The following MYO16 variants were observed in gnomAD, a reference collection of about 807,000 sequenced individuals.
MYO16 encodes the protein myosin XVI.
A neutral mutation model predicts 205.3 loss-of-function variants in MYO16; 94 were observed. That is an observed-to-expected ratio of 0.46 (90% CI 0.39 to 0.54). MYO16 has a LOEUF of 0.54. Among genes scored for constraint, MYO16 ranks in the 20% least tolerant of loss-of-function variants. MYO16 has a pLI of 0.00. For missense variants in MYO16, 2,315 were observed against 2,387.5 expected (o/e 0.97, Z 0.63); for synonymous variants, 988 against 954.0 (o/e 1.04, Z -0.66).
chr13:109,054,369 A>G (rs74800312), intron 25 of MYO16: 8,746 of 349,402 alleles, frequency 0.025, 140 homozygotes, highest in Non-Finnish European at 0.034. Context: ...AAGGGAAGAA[A>G]AACATGGTAA....
At chr13:109,186,719 G>T (rs1879705557) in intron 34 of MYO16, among the ~76,000 whole-genome samples, 2 of 152,018 alleles carry the variant, frequency 1.3e-5, no homozygotes, top group African/African-American at 2.4e-5. Flanking sequence ...TATAAATGTG[G>T]TCATGGCATT....
intron 34 of MYO16, among the ~76,000 whole-genome samples, chr13:109,197,511 C>G (rs1193592820): frequency 6.6e-6 from 1 of 152,100 alleles, no homozygotes; most frequent in African/African-American, 2.4e-5. Flanking sequence ...ACTCTCTAAG[C>G]AAGTACACTG....
At chr13:108,560,888 C>A in the MYO16 span, among the ~76,000 whole-genome samples, 67 of 152,190 alleles carry the variant, frequency 4.4e-4, no homozygotes, top group African/African-American at 1.6e-3. Flanking sequence ...ATAATGTATT[C>A]ACATGATATT....
chr13:108,961,203 C>G (rs375008219), intron 17 of MYO16, among the ~76,000 whole-genome samples: 59 of 152,250 alleles, frequency 3.9e-4, no homozygotes, highest in Middle Eastern at 6.8e-3. Context: ...ACAAGTGAAG[C>G]CCAGCCAGTC....
At chr13:108,752,173 G>A (rs982921916) in intron 4 of MYO16, among the ~76,000 whole-genome samples, 22 of 152,078 alleles carry the variant, frequency 1.4e-4, no homozygotes, top group African/African-American at 3.4e-4. Flanking sequence ...AATTTAAAAT[G>A]TATTTTTAAA....
At chr13:108,870,615 T>A (rs982025302) in intron 12 of MYO16, among the ~76,000 whole-genome samples, 17 of 88,484 alleles carry the variant, frequency 1.9e-4, no homozygotes, top group African/African-American at 6.6e-4. Flanking sequence ...GATTGCATTT[T>A]TAAAAAATTA....
chr13:108,932,973 C>T (rs1882325556), intron 16 of MYO16, among the ~76,000 whole-genome samples: 1 of 151,822 alleles, frequency 6.6e-6, no homozygotes, highest in Admixed American at 6.6e-5. Context: ...GTAGAGATAC[C>T]CTTGGAGGAT....
chr13:108,721,642 G>C (rs910160043), intron 3 of MYO16, among the ~76,000 whole-genome samples: 1 of 152,200 alleles, frequency 6.6e-6, no homozygotes, highest in Admixed American at 6.5e-5. Flanking sequence ...TAGTACATAA[G>C]GATTGGGTAA....
intron 33 of MYO16, among the ~76,000 whole-genome samples, chr13:109,165,889 G>T (rs926693170): frequency 3.4e-5 from 5 of 147,382 alleles, no homozygotes; most frequent in South Asian, 2.4e-4. Context: ...GGGCCTTCAA[G>T]TGTTCTTCCC....
chr13:108,523,661 G>A, the MYO16 span, among the ~76,000 whole-genome samples: 715 of 152,252 alleles, frequency 4.7e-3, 5 homozygotes, highest in African/African-American at 0.016. Context: ...AAGGGTCTCA[G>A]CTCTGGAAGA....
intron 12 of MYO16, among the ~76,000 whole-genome samples, chr13:108,880,738 C>G (rs1011378511): frequency 6.6e-6 from 1 of 152,088 alleles, no homozygotes; most frequent in African/African-American, 2.4e-5. Context: ...GTTTTGGGAC[C>G]AGTACCATGC....
At chr13:108,940,020 T>A (rs551896359) in intron 16 of MYO16, among the ~76,000 whole-genome samples, 2 of 152,350 alleles carry the variant, frequency 1.3e-5, no homozygotes, top group South Asian at 4.1e-4. Context: ...AATGACTGAT[T>A]ATTTTTCTTA....
chr13:108,616,114 T>C (rs1879341877), intron 1 of MYO16, among the ~76,000 whole-genome samples: 1 of 152,208 alleles, frequency 6.6e-6, no homozygotes, highest in African/African-American at 2.4e-5. Flanking sequence ...TATAAGTTAC[T>C]TGAGAGTGGG....
intron 4 of MYO16, among the ~76,000 whole-genome samples, chr13:108,770,470 A>C (rs943177832): frequency 7.2e-5 from 11 of 152,186 alleles, no homozygotes; most frequent in African/African-American, 2.7e-4. Flanking sequence ...GGATGTTTTA[A>C]AATTATGAGG....
Position 109,140,738 on chromosome 13 carries a change from C to A in MYO16, c.4526C>A (p.Pro1509Gln), listed in dbSNP as rs750083587. Residue 1509 changes from proline (P) to glutamine (Q), a missense_variant, in exon 32 of 35, where the codon CCG (proline) becomes CAG (glutamine). Coordinates refer to ENST00000457511, the MANE Select transcript of MYO16 (RefSeq NM_001198950.3). The surrounding 1 kb of genome is among the most constrained non-coding windows in gnomAD (Gnocchi z 8.0). Reference protein sequence around the residue: ...DIPPPFPNLLPHRPPLLVFPP... With the variant: ...DIPPPFPNLLQHRPPLLVFPP... ...CCGCCGCCCTTCCCCAACCTGCTGCCGCACCGGCCGCCCCTGCTGGTGTTC... is the reference window on the plus strand; with the variant it reads ...CCGCCGCCCTTCCCCAACCTGCTGCAGCACCGGCCGCCCCTGCTGGTGTTC... The A allele has an allele frequency of 1.4e-5, 22 of 1,521,884 alleles. No individual in the cohort carries two copies. Among genetic ancestry groups the A allele is most frequent in the Non-Finnish European group, 1.8e-5 (21 of 1,135,932 alleles). 94.3% of individuals were successfully genotyped at this position (1,521,884 alleles called of 1,614,324 possible). A position where few individuals can be genotyped will look rare whatever the true frequency, so the allele number is the denominator to read the frequency against.
chr13:108,908,635 C>A (rs1190385054), intron 15 of MYO16, among the ~76,000 whole-genome samples: 1 of 152,096 alleles, frequency 6.6e-6, no homozygotes, highest in Non-Finnish European at 1.5e-5. Context: ...ACAATGGATT[C>A]TTACTTCAAA....
chr13:108,810,333 A>C (rs1183941332), intron 7 of MYO16, among the ~76,000 whole-genome samples: 1 of 152,212 alleles, frequency 6.6e-6, no homozygotes, highest in Non-Finnish European at 1.5e-5. Context: ...TGTCCAGCAC[A>C]GTGACCGAAA....
At chr13:108,582,724 T>C in the MYO16 span, among the ~76,000 whole-genome samples, 13 of 152,016 alleles carry the variant, frequency 8.6e-5, no homozygotes, top group Non-Finnish European at 1.8e-4. Context: ...GTTTTGGAGA[T>C]GGGGTGGGGT....
At chr13:108,983,075 G>T (rs1439142469) in intron 20 of MYO16, among the ~76,000 whole-genome samples, 1 of 152,124 alleles carries the variant, frequency 6.6e-6, no homozygotes, top group Non-Finnish European at 1.5e-5. Flanking sequence ...TTGATAATAT[G>T]TGTGAGCTCT....
Sources: allele counts gnomAD v4.1 joint callset (sites outside exome capture counted in the v4.1 genomes callset), GRCh38; gene constraint gnomAD v4.1.1; non-coding constraint Gnocchi (gnomAD v3.1); transcripts MANE v1.5; gene names NCBI Gene and HGNC (gene_info 2026-07-23, HGNC 2026-07-21).